SLC17A5: variants seen among roughly 807,000 people sequenced by gnomAD.
SLC17A5 encodes the protein solute carrier family 17 member 5.
A neutral mutation model predicts 59.4 loss-of-function variants in SLC17A5; 47 were observed. The ratio of observed to expected loss-of-function variants is 0.79; its 90% CI spans 0.63 to 1.01. The LOEUF (loss-of-function observed/expected upper bound fraction) is 1.01. Ranked by LOEUF, SLC17A5 falls within the 50% of genes least tolerant of loss-of-function variation. The pLI is 0.00. For missense variants in SLC17A5, 522 were observed against 595.5 expected (o/e 0.88, Z 1.28); for synonymous variants, 202 against 210.7 (o/e 0.96, Z 0.36).
intron 6 of SLC17A5, among the ~76,000 whole-genome samples, chr6:73,631,845 A>T (rs1012636761): frequency 1.3e-5 from 2 of 151,390 alleles, no homozygotes; most frequent in African/African-American, 4.9e-5. Context: ...TTCATTTTTA[A>T]GTCCTCAGCT....
intron 8 of SLC17A5, among the ~76,000 whole-genome samples, chr6:73,613,181 A>T (rs922524514): frequency 3.9e-5 from 6 of 152,206 alleles, no homozygotes; most frequent in African/African-American, 1.4e-4. Context: ...CTTAAAATGC[A>T]TTCACTTAGA....
rs59361120 is a variant in SLC17A5 at position 73,627,079 on chromosome 6, A to ATTTT, written c.820-5121_820-5118dup. On this transcript the variant is annotated intron_variant, in intron 6 of 10. Transcript: ENST00000355773. ...GAGCCACCACGCCTGGCCAGAACTAATTTTTTTTTTTTTCTTGAGACGGAG... is the reference window on the plus strand; with the variant it reads ...GAGCCACCACGCCTGGCCAGAACTAATTTTTTTTTTTTTTTTTCTTGAGACGGAG... Among the ~76,000 whole-genome samples the ATTTT allele has an allele frequency of 1.6e-4, 23 of 139,416 alleles. No individual in the cohort carries two copies. In the East Asian group the frequency reaches 1.7e-3, roughly 10 times the overall value. 91.5% of individuals were successfully genotyped at this position (139,416 alleles called of 152,430 possible).
At position 73,605,630 on chromosome 6, in the gene SLC17A5, A is replaced by AACACACACAC. The variant is rs3045763; in HGVS notation, c.1259+4760_1259+4769dup. On this transcript the variant is annotated intron_variant, in intron 9 of 10. Coordinates refer to ENST00000355773, the MANE Select transcript of SLC17A5 (RefSeq NM_012434.5). Reference sequence around the variant, plus strand: ...CTTTGAGCTAGAACTGCAAGGTTTAAACACACACACACACACACACACACA... The same window carrying AACACACACAC: ...CTTTGAGCTAGAACTGCAAGGTTTAAACACACACACACACACACACACACACACACACACA... 4.6e-3 allele frequency among the ~76,000 whole-genome samples: 674 copies of AACACACACAC among 145,942 alleles called. 14 individuals are homozygous for AACACACACAC. The highest frequency in any genetic ancestry group is 0.014 in the African/African-American group (559 of 39,526).
chr6:73,633,704 T>A (rs1581981012), intron 6 of SLC17A5, among the ~76,000 whole-genome samples: 2 of 151,398 alleles, frequency 1.3e-5, no homozygotes. Flanking sequence ...TAAGGTGAAA[T>A]CCCGTCTCTA....
intron 7 of SLC17A5, among the ~76,000 whole-genome samples, chr6:73,616,650 C>T (rs570007636): frequency 6.6e-4 from 99 of 150,784 alleles, no homozygotes; most frequent in Non-Finnish European, 9.7e-4. Context: ...GCTCTGTTGC[C>T]TAGGCTGGAG....
At chr6:73,596,632 G>A (rs553931103) in intron 10 of SLC17A5, among the ~76,000 whole-genome samples, 41 of 152,188 alleles carry the variant, frequency 2.7e-4, no homozygotes, top group African/African-American at 8.7e-4. Flanking sequence ...CGAGGCGGGC[G>A]GATCATGAGG....
At chr6:73,636,266 T>C (rs1768990008) in intron 5 of SLC17A5, among the ~76,000 whole-genome samples, 1 of 148,768 alleles carries the variant, frequency 6.7e-6, no homozygotes. Context: ...ATAAAATGCC[T>C]TGGGACTAAG....
At position 73,595,121 on chromosome 6, in the gene SLC17A5, C is replaced by A; in HGVS notation, c.1444G>T (p.Val482Leu). 1 of 1,614,112 alleles carries A rather than the reference C, an allele frequency of 6.2e-7. No individual in the cohort carries two copies. Among genetic ancestry groups the A allele is most frequent in the Non-Finnish European group, 8.5e-7 (1 of 1,180,006 alleles). ...TGATCATTGAGAGCCCAGTTTTGTACTTCACCTTTGGCGAATAGTGTAAAG... is the reference window on the plus strand; with the variant it reads ...TGATCATTGAGAGCCCAGTTTTGTAATTCACCTTTGGCGAATAGTGTAAAG... ...IFFTLFAKGE[V>L]QNWALNDHHG... Residue 482 changes from valine (V) to leucine (L), a missense_variant, in exon 11 of 11, where the codon GTA (valine) becomes TTA (leucine). Coordinates refer to ENST00000355773, the MANE Select transcript of SLC17A5 (RefSeq NM_012434.5).
chr6:73,608,296 G>T (rs139882558), intron 9 of SLC17A5, among the ~76,000 whole-genome samples: 156 of 152,234 alleles, frequency 1.0e-3, no homozygotes, highest in African/African-American at 3.6e-3. Context: ...GACTCAGTTT[G>T]GGTCAACCAA....
intron 6 of SLC17A5, among the ~76,000 whole-genome samples, chr6:73,634,660 A>T (rs1768916496): frequency 6.6e-6 from 1 of 152,192 alleles, no homozygotes; most frequent in Non-Finnish European, 1.5e-5. Flanking sequence ...TCAGCCTCCC[A>T]AAGTGCTGGG....
intron 2 of SLC17A5, among the ~76,000 whole-genome samples, chr6:73,642,286 G>A (rs1019383130): frequency 1.4e-5 from 2 of 147,368 alleles, no homozygotes; most frequent in Admixed American, 6.8e-5. Flanking sequence ...CCGCCCCCCC[G>A]GCCCTGCCTC....
At chr6:73,607,892 T>G (rs1767469214) in intron 9 of SLC17A5, among the ~76,000 whole-genome samples, 1 of 150,634 alleles carries the variant, frequency 6.6e-6, no homozygotes, top group South Asian at 2.1e-4. Context: ...TTCTCCTGCC[T>G]CAGCCTCCTG....
chr6:73,641,517 CACAA>C (rs1769283674), intron 3 of SLC17A5, among the ~76,000 whole-genome samples, 170 bp downstream of exon 3: 1 of 152,038 alleles, frequency 6.6e-6, no homozygotes, highest in Admixed American at 6.6e-5. Context: ...CCTCATTTAC[CACAA>C]ACAAAATCTA....
intron 9 of SLC17A5, among the ~76,000 whole-genome samples, chr6:73,601,347 C>A (rs1385616710): frequency 6.8e-6 from 1 of 147,292 alleles, no homozygotes; most frequent in African/African-American, 2.5e-5. Flanking sequence ...CTCTGCCCGG[C>A]AGCCACCCCG....
chr6:73,619,734 T>C (rs946196698), intron 7 of SLC17A5, among the ~76,000 whole-genome samples: 1 of 152,116 alleles, frequency 6.6e-6, no homozygotes. Context: ...TTTTTGTCTA[T>C]GAAAATGCAA....
chr6:73,648,871 T>A (rs2150124127), intron 1 of SLC17A5, among the ~76,000 whole-genome samples: 1 of 152,138 alleles, frequency 6.6e-6, no homozygotes, highest in South Asian at 2.1e-4. Flanking sequence ...ATGAGACAGA[T>A]AAACATAGGG....
At chr6:73,603,372 G>A (rs149104026) in intron 9 of SLC17A5, among the ~76,000 whole-genome samples, 46 of 150,852 alleles carry the variant, frequency 3.0e-4, no homozygotes, top group African/African-American at 1.0e-3. Flanking sequence ...GATTACAGGC[G>A]TGAGCCACTG....
intron 10 of SLC17A5, among the ~76,000 whole-genome samples, chr6:73,598,547 T>C (rs1440522610): frequency 3.4e-5 from 5 of 149,144 alleles, no homozygotes; most frequent in Admixed American, 6.7e-5. Context: ...AGGAGAATTG[T>C]TTGAACCTGG....
intron 1 of SLC17A5, among the ~76,000 whole-genome samples, chr6:73,646,915 A>G (rs1014658564): frequency 6.6e-6 from 1 of 152,154 alleles, no homozygotes; most frequent in Non-Finnish European, 1.5e-5. Context: ...GCCTCAAGCA[A>G]TCCTCCCATC....
Sources: gnomAD v4.1 joint callset for allele counts (sites outside exome capture counted in the v4.1 genomes callset) on GRCh38, gnomAD v4.1.1 for gene constraint, MANE v1.5 for transcripts, NCBI Gene and HGNC (gene_info 2026-07-23, HGNC 2026-07-21) for gene names.